Variants in EXT2 observed in about 807,000 individuals in gnomAD.
EXT2 encodes the protein exostosin glycosyltransferase 2.
In EXT2, 53 loss-of-function variants were observed where a neutral mutation model predicts 81.6. The observed-to-expected ratio is 0.65, with a 90% CI of 0.52 to 0.82. The LOEUF (loss-of-function observed/expected upper bound fraction) is 0.82, where lower values mean the gene tolerates loss of function less well. Ranked by LOEUF, EXT2 falls within the 40% of genes least tolerant of loss-of-function variation. The pLI, the probability that EXT2 is intolerant of heterozygous loss-of-function variation, is 0.00. For synonymous variants in EXT2, 320 were observed against 340.0 expected (o/e 0.94, Z 0.65); for missense variants, 774 against 910.2 (o/e 0.85, Z 1.93).
intron 2 of EXT2, 65 bp downstream of exon 2, chr11:44,108,313 G>C: frequency 1.2e-5 from 18 of 1,538,062 alleles, no homozygotes; most frequent in Non-Finnish European, 1.6e-5. Context: ...GAACTAAAGG[G>C]AAGGGAAGGA....
intron 4 of EXT2, among the ~76,000 whole-genome samples, chr11:44,117,709 A>G (rs1954242642): frequency 6.6e-6 from 1 of 152,154 alleles, no homozygotes; most frequent in South Asian, 2.1e-4. Context: ...TGGTTACCTT[A>G]GCTTTGTATT....
chr11:44,107,896 A>C lies in EXT2; in HGVS notation c.184A>C (p.Ser62Arg). Residue 62 changes from serine to arginine, a missense_variant, in exon 2 of 14, where the codon AGC becomes CGC. Around this residue, in one of 2 missense-constraint regions of EXT2, gnomAD observed 626 missense variants for 670.5 expected, o/e 0.93. Transcript: ENST00000533608. Reference protein sequence around the residue: ...SSNDWNVEKRSIRDVPVVRLP... With the variant: ...SSNDWNVEKRRIRDVPVVRLP... ...AAATGACTGGAATGTAGAGAAGCGC[A>C]GCATCCGTGATGTGCCGGTTGTTAG... 1 of 1,614,200 alleles carries C rather than the reference A, an allele frequency of 6.2e-7. No individual in the cohort carries two copies. Among genetic ancestry groups the C allele is most frequent in the Non-Finnish European group, 8.5e-7 (1 of 1,180,036 alleles).
At chr11:44,131,919 G>A (rs1207718133) in intron 7 of EXT2, among the ~76,000 whole-genome samples, 1 of 152,092 alleles carries the variant, frequency 6.6e-6, no homozygotes, top group Non-Finnish European at 1.5e-5. Context: ...GGTACTTTCA[G>A]TAGAGACAGG....
chr11:44,211,953 G>A (rs1047092209), intron 10 of EXT2, among the ~76,000 whole-genome samples: 2 of 152,094 alleles, frequency 1.3e-5, no homozygotes, highest in African/African-American at 4.8e-5. Context: ...GAGGGGGAAA[G>A]GTAGACTGAG....
intron 7 of EXT2, among the ~76,000 whole-genome samples, chr11:44,148,820 G>A (rs1954755098): frequency 6.6e-6 from 1 of 152,180 alleles, no homozygotes; most frequent in Admixed American, 6.5e-5. Context: ...TGATAGTGAT[G>A]ATGGTGAGCA....
intron 1 of EXT2, among the ~76,000 whole-genome samples, chr11:44,104,299 C>CA: frequency 6.6e-6 from 1 of 152,182 alleles, no homozygotes. Flanking sequence ...ACTCACAGTA[C>CA]ATAGCTTAAA....
intron 8 of EXT2, among the ~76,000 whole-genome samples, chr11:44,187,296 GCCT>G (rs35554661): frequency 0.25 from 38,137 of 151,662 alleles, 5,811 homozygotes; most frequent in Admixed American, 0.42. Context: ...TCCTGCTTCA[GCCT>G]CCTAAGTAAC....
Position 44,108,240 on chromosome 11 carries a change from G to C in EXT2, c.528G>C (p.Gln176His). ...RIKETAQAMAQLSRWDRGTNH... is the reference protein window; with the variant it reads ...RIKETAQAMAHLSRWDRGTNH... ...AGGAGACAGCACAAGCGATGGCCCA[G>C]CTCTCTAGGTATCTCACACTCATAC... The change falls in exon 2 of 14, where the codon CAG becomes CAC. Residue 176 changes from glutamine (Q) to histidine (H), a missense_variant. By Grantham distance (24) the Gln-to-His change is conservative. Transcript: ENST00000533608. The C allele has an allele frequency of 6.2e-7, 1 of 1,612,126 alleles. No homozygotes were observed. Among genetic ancestry groups the C allele is most frequent in the Non-Finnish European group, 8.5e-7 (1 of 1,179,992 alleles).
chr11:44,218,740 T>C (rs537875583), intron 10 of EXT2, among the ~76,000 whole-genome samples: 2 of 145,292 alleles, frequency 1.4e-5, no homozygotes, highest in South Asian at 2.2e-4. Context: ...GTAAAACTTA[T>C]GGCTATCTAT....
rs116814835 is a variant in EXT2 at position 44,231,925 on chromosome 11, T to A, written c.1663-428T>A. On this transcript the variant is annotated intron_variant, in intron 10 of 13. Coordinates refer to ENST00000533608, the MANE Select transcript of EXT2 (RefSeq NM_207122.2). The stretch of plus-strand genomic sequence containing the variant: ...CTCAAGAGAAATAGATGCTTTTTTT[T>A]AATAAGAAATGGGACTTTATCATAA... Among the ~76,000 whole-genome samples, 566 of 152,306 alleles carry A rather than the reference T, an allele frequency of 3.7e-3. 4 individuals are homozygous for A. The highest frequency in any genetic ancestry group is 0.013 in the African/African-American group (531 of 41,566).
intron 13 of EXT2, among the ~76,000 whole-genome samples, chr11:44,242,039 AC>A (rs573967431): frequency 6.6e-6 from 1 of 152,182 alleles, no homozygotes; most frequent in South Asian, 2.1e-4. Context: ...CTTGCCTATG[AC>A]CCATTCCTGT....
chr11:44,242,948 A>G (rs897007), intron 13 of EXT2, among the ~76,000 whole-genome samples: 37,358 of 152,096 alleles, frequency 0.25, 5,649 homozygotes, highest in Admixed American at 0.41. Flanking sequence ...TGTTGTGAGG[A>G]TTAAATGCAT....
chr11:44,126,701 A>T (rs1954409645), intron 5 of EXT2, 115 bp from the exon 6 acceptor site: 3 of 1,308,596 alleles, frequency 2.3e-6, no homozygotes, highest in Non-Finnish European at 3.3e-6. Flanking sequence ...TTGTGTCAAG[A>T]TGCCTCAGTA....
rs1389288265 is a variant in EXT2, at chr11:44,107,749, G to A, written c.37G>A (p.Ala13Thr). 6.2e-7 allele frequency: 1 copy of A among 1,614,156 alleles called. No homozygotes were observed. The highest frequency in any genetic ancestry group is 1.1e-5 in the South Asian group (1 of 91,074). Residue 13 changes from alanine to threonine, a missense_variant, in exon 2 of 14, where the codon GCC becomes ACC. This residue lies in a region of EXT2 where 626 missense variants were observed against 670.5 expected (regional missense o/e 0.93). Transcript: ENST00000533608. ...GGTCAAGTATAATATCCGGGGTCCT[G>A]CCCTCATCCCAAGAATGAAGACCAA... is the stretch of plus-strand genomic sequence containing the variant. Reference protein sequence around the residue: ...ASVKYNIRGPALIPRMKTKHR... With the variant: ...ASVKYNIRGPTLIPRMKTKHR...
chr11:44,210,276 A>G (rs1411300726), intron 10 of EXT2, among the ~76,000 whole-genome samples: 1 of 152,264 alleles, frequency 6.6e-6, no homozygotes, highest in Non-Finnish European at 1.5e-5. Context: ...CTGGATAAAC[A>G]TTGTGATACA....
chr11:44,097,703 G>C (rs1229536394), intron 1 of EXT2, among the ~76,000 whole-genome samples: 1 of 150,852 alleles, frequency 6.6e-6, no homozygotes, highest in Admixed American at 6.7e-5. Flanking sequence ...AGGTTGTAGT[G>C]AGTTGAGATT....
chr11:44,138,578 T>G (rs190724974), intron 7 of EXT2, among the ~76,000 whole-genome samples: 236 of 152,128 alleles, frequency 1.6e-3, no homozygotes, highest in Non-Finnish European at 2.7e-3. Context: ...AATAGGAAAC[T>G]ATTAGAGAGC....
intron 9 of EXT2, among the ~76,000 whole-genome samples, chr11:44,205,415 A>G (rs1314823276): frequency 6.6e-6 from 1 of 152,232 alleles, no homozygotes; most frequent in African/African-American, 2.4e-5. Flanking sequence ...GAATGAAACT[A>G]TAACTGTTGA....
chr11:44,209,654 A>G (rs1955624525), intron 10 of EXT2, among the ~76,000 whole-genome samples: 1 of 152,142 alleles, frequency 6.6e-6, no homozygotes, highest in Admixed American at 6.5e-5. Flanking sequence ...TCCCAGAACT[A>G]CTATTTTGTG....
Sources: allele counts gnomAD v4.1 joint callset (sites outside exome capture counted in the v4.1 genomes callset), GRCh38; gene constraint gnomAD v4.1.1; regional missense constraint gnomAD v4.1.1; transcripts MANE v1.5; gene names NCBI Gene and HGNC (gene_info 2026-07-23, HGNC 2026-07-21).